SCUBE1: variants seen among roughly 807,000 people sequenced by gnomAD.
SCUBE1 encodes signal peptide, CUB domain and EGF like domain containing 1.
In SCUBE1, 59 loss-of-function variants were observed where a neutral mutation model predicts 124.4. The observed-to-expected ratio is 0.47, with a 90% CI of 0.38 to 0.59. SCUBE1 has a LOEUF of 0.59. Ranked by LOEUF, SCUBE1 falls within the 20% of genes least tolerant of loss-of-function variation. The pLI, the probability that SCUBE1 is intolerant of heterozygous loss-of-function variation, is 0.00. For missense variants in SCUBE1, 1,150 were observed against 1,371.2 expected (o/e 0.84, Z 2.55); for synonymous variants, 545 against 550.9 (o/e 0.99, Z 0.15).
intron 1 of SCUBE1, 121 bp downstream of exon 1, chr22:43,343,053 C>G (rs1927381857): frequency 6.3e-6 from 2 of 318,116 alleles, no homozygotes; most frequent in African/African-American, 4.5e-5. Flanking sequence ...TGCAAAGAGG[C>G]AGGGGGCGCG....
chr22:43,211,907 G>A lies in SCUBE1; in HGVS notation c.2221+518C>T, dbSNP rs906250364. Among the ~76,000 whole-genome samples the A allele has an allele frequency of 9.9e-5, 15 of 152,156 alleles. No individual in the cohort carries two copies. Among genetic ancestry groups the A allele is most frequent in the Admixed American group, 9.8e-4 (15 of 15,276 alleles). On this transcript the variant is annotated intron_variant, in intron 17 of 21. Transcript: ENST00000360835. This position sits in a 1 kb window ranked among gnomAD's most constrained non-coding sequence, Gnocchi z 4.5. Reference sequence around the variant, plus strand: ...TGTGGCTGGCTCCAGGGGGCTGAGAGCCAGGCCACCTGGACAGACAGACAG... The same window carrying A: ...TGTGGCTGGCTCCAGGGGGCTGAGAACCAGGCCACCTGGACAGACAGACAG...
Position 43,198,540 on chromosome 22 carries a change from T to G in SCUBE1, c.*5457A>C. On this transcript the variant is annotated 3_prime_UTR_variant, in exon 22 of 22. Transcript: ENST00000360835. The stretch of plus-strand genomic sequence containing the variant: ...GCAGCCGCGGTAGAATAGGAGGCGC[T>G]CTCTGCTCTCTCTCCACATCCTCAC... The G allele has an allele frequency of 2.2e-6, 1 of 456,660 alleles. No homozygotes were observed. Among genetic ancestry groups the G allele is most frequent in the South Asian group, 1.5e-5 (1 of 64,568 alleles). 28.3% of individuals were successfully genotyped at this position (456,660 alleles called of 1,614,324 possible).
At chr22:43,232,270 G>A (rs1049264462) in intron 7 of SCUBE1, 5 of 193,172 alleles carry the variant, frequency 2.6e-5, no homozygotes, top group Admixed American at 2.6e-4. Flanking sequence ...GAGCAGGCAG[G>A]CACCACTTCT....
At chr22:43,268,148 G>A (rs981437313) in intron 4 of SCUBE1, among the ~76,000 whole-genome samples, 1 of 152,220 alleles carries the variant, frequency 6.6e-6, no homozygotes, top group Non-Finnish European at 1.5e-5. Flanking sequence ...TCCAGAGCAG[G>A]GGCCCAGTCT....
At chr22:43,268,216 G>T (rs1050352828) in intron 4 of SCUBE1, among the ~76,000 whole-genome samples, 2 of 152,258 alleles carry the variant, frequency 1.3e-5, no homozygotes, top group African/African-American at 4.8e-5. Context: ...CCTGAGGGAC[G>T]GAAGGGCCCC....
At chr22:43,339,822 A>AC (rs1927239137) in intron 1 of SCUBE1, among the ~76,000 whole-genome samples, 1 of 28,226 alleles carries the variant, frequency 3.5e-5, no homozygotes. Context: ...TCCTCATTCT[A>AC]TCCCCCCACA....
At chr22:43,285,136 G>A (rs1925086908) in intron 4 of SCUBE1, among the ~76,000 whole-genome samples, 1 of 152,150 alleles carries the variant, frequency 6.6e-6, no homozygotes, top group Admixed American at 6.5e-5. Flanking sequence ...CTGTGCACGT[G>A]GCCTCATTTC....
At chr22:43,341,489 G>A (rs568044475) in intron 1 of SCUBE1, among the ~76,000 whole-genome samples, 1 of 152,366 alleles carries the variant, frequency 6.6e-6, no homozygotes, top group South Asian at 2.1e-4. Flanking sequence ...GTAGGAATGA[G>A]GGGTGGGAGC....
chr22:43,213,564 A>AG (rs2146657861), intron 16 of SCUBE1: 1 of 152,440 alleles, frequency 6.6e-6, no homozygotes, highest in Admixed American at 6.5e-5. Context: ...AGGGAGGTAA[A>AG]TGCAAAAGCT....
At chr22:43,226,219 GGACA>G (rs912068367) in intron 10 of SCUBE1, among the ~76,000 whole-genome samples, 1 of 152,164 alleles carries the variant, frequency 6.6e-6, no homozygotes, top group African/African-American at 2.4e-5. Flanking sequence ...AGAGAGAGAT[GGACA>G]GACAGACAGA....
At chr22:43,271,149 C>T (rs1924277598) in intron 4 of SCUBE1, among the ~76,000 whole-genome samples, 1 of 152,096 alleles carries the variant, frequency 6.6e-6, no homozygotes, top group Non-Finnish European at 1.5e-5. Context: ...GGAAGCCCTC[C>T]TTGTTTCCAC....
At chr22:43,325,914 A>G (rs575016352) in intron 2 of SCUBE1, among the ~76,000 whole-genome samples, 1 of 151,306 alleles carries the variant, frequency 6.6e-6, no homozygotes, top group Non-Finnish European at 1.5e-5. Flanking sequence ...CAGGTTTGGA[A>G]CCCATATAGG....
At chr22:43,299,656 C>T (rs1925693918) in intron 3 of SCUBE1, among the ~76,000 whole-genome samples, 1 of 152,184 alleles carries the variant, frequency 6.6e-6, no homozygotes, top group African/African-American at 2.4e-5. Context: ...ATGGAGCACA[C>T]AATTCACAAT....
intron 3 of SCUBE1, among the ~76,000 whole-genome samples, chr22:43,296,151 C>G (rs1925550189): frequency 6.6e-6 from 1 of 152,242 alleles, no homozygotes; most frequent in African/African-American, 2.4e-5. Flanking sequence ...CTGTGGCCTG[C>G]ACCCTACCCT....
chr22:43,297,200 T>C lies in SCUBE1; in HGVS notation c.350-6020A>G, dbSNP rs115294803. Among the ~76,000 whole-genome samples, 959 of 152,340 alleles carry C rather than the reference T, an allele frequency of 6.3e-3. 5 individuals carry two copies. Among genetic ancestry groups the C allele is most frequent in the African/African-American group, 0.022 (904 of 41,574 alleles). On this transcript the variant is annotated intron_variant, in intron 3 of 21. Transcript: ENST00000360835. ...ACGCCACCTTGCCCGTCCATCTCCC[T>C]GGCTCCCATGAGACAGCCCTGGCTT...
chr22:43,198,320 G>GC lies in SCUBE1; in HGVS notation c.*5676dup. 1 of 357,480 alleles carries GC rather than the reference G, an allele frequency of 2.8e-6. No individual in the cohort carries two copies. The highest frequency in any genetic ancestry group is 5.5e-6 in the Non-Finnish European group (1 of 180,252). 22.1% of individuals were successfully genotyped at this position (357,480 alleles called of 1,614,324 possible). On this transcript the variant is annotated 3_prime_UTR_variant, in exon 22 of 22. Transcript: ENST00000360835. The stretch of plus-strand genomic sequence containing the variant: ...CATGGTGCAGCAGGGGACTGGAGAG[G>GC]CCTTGAGGCCATCGCAGCAGATGCT...
Position 43,197,583 on chromosome 22 carries a change from G to C in SCUBE1, c.*6414C>G, listed in dbSNP as rs12158070. The stretch of plus-strand genomic sequence containing the variant: ...GGAGGTTCTGATCTCAGCGGAGTAA[G>C]ACACCCGGCATCGGTCAGCTCCCTC... On this transcript the variant is annotated 3_prime_UTR_variant, in exon 22 of 22. Transcript: ENST00000360835. 8 of 152,362 alleles carry C rather than the reference G, an allele frequency of 5.3e-5. No individual in the cohort carries two copies. Among genetic ancestry groups the C allele is most frequent in the Admixed American group, 4.6e-4 (7 of 15,282 alleles). The allele number at this position is 152,362 out of a possible 1,614,324, so 9.4% of individuals were successfully genotyped here.
At chr22:43,314,610 A>C (rs746965346) in intron 3 of SCUBE1, among the ~76,000 whole-genome samples, 3 of 152,188 alleles carry the variant, frequency 2.0e-5, no homozygotes, top group Non-Finnish European at 2.9e-5. Context: ...AAGGGTCCTA[A>C]GCCTATCAGA....
chr22:43,204,941 CAAA>C (rs55783565), intron 21 of SCUBE1, among the ~76,000 whole-genome samples: 6 of 77,310 alleles, frequency 7.8e-5, no homozygotes, highest in Non-Finnish European at 1.1e-4. Context: ...GAGACTGTCT[CAAA>C]AAAAAAAAAA....
Sources: allele counts gnomAD v4.1 joint callset (sites outside exome capture counted in the v4.1 genomes callset), GRCh38; gene constraint gnomAD v4.1.1; non-coding constraint Gnocchi (gnomAD v3.1); transcripts MANE v1.5; gene names NCBI Gene and HGNC (gene_info 2026-07-23, HGNC 2026-07-21).